HERPUD2: variants seen among roughly 807,000 people sequenced by gnomAD.
The protein encoded by HERPUD2 is homocysteine-responsive endoplasmic reticulum-resident ubiquitin-like domain member 2 protein.
In HERPUD2, 13 loss-of-function variants were observed where a neutral mutation model predicts 49.9. That is an observed-to-expected ratio of 0.26 (90% CI 0.17 to 0.41). HERPUD2 has a LOEUF of 0.41. HERPUD2 is among the 10% of genes least tolerant of loss of function. The pLI, the probability that HERPUD2 is intolerant of heterozygous loss-of-function variation, is 1.00. For missense variants in HERPUD2, 449 were observed against 492.2 expected, an observed-to-expected ratio of 0.91 and a Z score of 0.83; for synonymous variants, 172 against 171.4, an observed-to-expected ratio of 1.00 and a Z score of -0.03.
At chr7:35,639,629 C>T (rs1002813737) in intron 5 of HERPUD2, among the ~76,000 whole-genome samples, 2 of 152,134 alleles carry the variant, frequency 1.3e-5, no homozygotes, top group African/African-American at 4.8e-5. Context: ...CTTCACATTA[C>T]TTGATTTTTA....
At chr7:35,651,522 T>C (rs1317068484) in intron 5 of HERPUD2, among the ~76,000 whole-genome samples, 3 of 152,036 alleles carry the variant, frequency 2.0e-5, no homozygotes, top group Non-Finnish European at 2.9e-5. Flanking sequence ...ATGGTATACA[T>C]ACAGAATCAA....
At chr7:35,674,490 T>C (rs1785718680) in intron 2 of HERPUD2, among the ~76,000 whole-genome samples, 2 of 145,796 alleles carry the variant, frequency 1.4e-5, no homozygotes, top group Non-Finnish European at 3.0e-5. Flanking sequence ...GTAAAATGTA[T>C]AAAATGTATT....
intron 5 of HERPUD2, among the ~76,000 whole-genome samples, chr7:35,645,776 A>ACACATGCACG (rs1785044047): frequency 6.6e-6 from 1 of 152,246 alleles, no homozygotes; most frequent in South Asian, 2.1e-4. Flanking sequence ...ACACACATAT[A>ACACATGCACG]CACATGCACG....
chr7:35,656,138 G>A (rs1785270845), intron 5 of HERPUD2, among the ~76,000 whole-genome samples: 1 of 151,610 alleles, frequency 6.6e-6, no homozygotes, highest in Non-Finnish European at 1.5e-5. Context: ...CTCCAGACTG[G>A]GCAACAAGAG....
chr7:35,680,830 T>G (rs1785871545), intron 2 of HERPUD2, among the ~76,000 whole-genome samples: 1 of 152,228 alleles, frequency 6.6e-6, no homozygotes. Flanking sequence ...TTTTTTTCTC[T>G]TAAATAAAAG....
intron 5 of HERPUD2, among the ~76,000 whole-genome samples, chr7:35,661,668 C>CTCTG (rs569994061): frequency 6.6e-6 from 1 of 152,088 alleles, no homozygotes. Flanking sequence ...TGATTTGGCT[C>CTCTG]TCTGTCTGTC....
At chr7:35,683,004 A>G (rs1785949269) in intron 2 of HERPUD2, among the ~76,000 whole-genome samples, 2 of 152,136 alleles carry the variant, frequency 1.3e-5, no homozygotes, top group African/African-American at 4.8e-5. Flanking sequence ...GCCAAAAGCA[A>G]TCTACAAATT....
chr7:35,651,330 C>T (rs1785162809), intron 5 of HERPUD2, among the ~76,000 whole-genome samples: 1 of 152,000 alleles, frequency 6.6e-6, no homozygotes, highest in African/African-American at 2.4e-5. Context: ...CACACTGGGG[C>T]CTAAGGACAG....
rs770375066 is a variant in HERPUD2 at position 35,673,289 on chromosome 7, G to C, written c.148-11C>G. The stretch of plus-strand genomic sequence containing the variant: ...CTGATCCTTCGTCAACTAAGAAATG[G>C]GACAAAGAAAAGAATTCAACTTTTC... On this transcript the variant is annotated splice_polypyrimidine_tract_variant and intron_variant, in intron 2 of 8. Coordinates refer to ENST00000311350, the MANE Select transcript of HERPUD2 (RefSeq NM_022373.5). 25 of 1,595,354 alleles carry C rather than the reference G, an allele frequency of 1.6e-5. No homozygotes were observed. Among genetic ancestry groups the C allele is most frequent in the Non-Finnish European group, 2.1e-5 (25 of 1,168,688 alleles).
chr7:35,662,494 C>T (rs570113247), intron 5 of HERPUD2, among the ~76,000 whole-genome samples: 4 of 152,280 alleles, frequency 2.6e-5, no homozygotes, highest in South Asian at 2.1e-4. Flanking sequence ...GCTGTGAATC[C>T]GTCTGGTCTT....
chr7:35,663,319 C>T (rs1432915189), intron 5 of HERPUD2, among the ~76,000 whole-genome samples: 5 of 152,126 alleles, frequency 3.3e-5, no homozygotes, highest in Non-Finnish European at 7.4e-5. Context: ...GCTTTACTTC[C>T]AACTATGTGG....
chr7:35,639,939 T>C (rs1784941255), intron 5 of HERPUD2, among the ~76,000 whole-genome samples: 2 of 152,260 alleles, frequency 1.3e-5, no homozygotes, highest in South Asian at 4.1e-4. Flanking sequence ...ATATTTTATA[T>C]ATATTTCCTT....
chr7:35,650,825 T>C (rs1785150063), intron 5 of HERPUD2, among the ~76,000 whole-genome samples: 1 of 152,188 alleles, frequency 6.6e-6, no homozygotes, highest in African/African-American at 2.4e-5. Context: ...TCCCGAGCAC[T>C]GTACTGGAAG....
At chr7:35,650,262 G>A (rs1485836871) in intron 5 of HERPUD2, among the ~76,000 whole-genome samples, 1 of 152,152 alleles carries the variant, frequency 6.6e-6, no homozygotes, top group East Asian at 1.9e-4. Flanking sequence ...AGGGAAGCAA[G>A]GCAGCCTGCT....
At chr7:35,652,887 C>T (rs770160171) in intron 5 of HERPUD2, among the ~76,000 whole-genome samples, 2 of 151,760 alleles carry the variant, frequency 1.3e-5, no homozygotes, top group Non-Finnish European at 2.9e-5. Flanking sequence ...GCCCTATACC[C>T]GGAAGGAAAC....
intron 2 of HERPUD2, among the ~76,000 whole-genome samples, chr7:35,685,960 C>CAAAATAAATAAATAAATAAA (rs70974762): frequency 1.4e-5 from 2 of 147,948 alleles, no homozygotes; most frequent in Non-Finnish European, 3.0e-5. Context: ...GACCCTGTCT[C>CAAAATAAATAAATAAATAAA]TAAATAAATA....
Position 35,635,082 on chromosome 7 carries a change from G to C in HERPUD2, c.941+53C>G, listed in dbSNP as rs915056840. 5.7e-5 allele frequency: 76 copies of C among 1,334,530 alleles called. No individual in the cohort carries two copies. The Admixed American group carries it at 6.8e-4, about 12-fold the overall frequency. 82.7% of individuals were successfully genotyped at this position (1,334,530 alleles called of 1,614,324 possible). A position where few individuals can be genotyped will look rare whatever the true frequency, so the allele number is the denominator to read the frequency against. On this transcript the variant is annotated intron_variant, in intron 7 of 8. Transcript: ENST00000311350. ...AACAGACTACCCTACACCAGATTCTGTGCTGAACAGTTGCAGAAATTAAAC... is the reference window on the plus strand; with the variant it reads ...AACAGACTACCCTACACCAGATTCTCTGCTGAACAGTTGCAGAAATTAAAC...
chr7:35,685,332 T>G (rs1372791713), intron 2 of HERPUD2, among the ~76,000 whole-genome samples: 2 of 150,200 alleles, frequency 1.3e-5, no homozygotes, highest in Admixed American at 1.3e-4. Flanking sequence ...TTTGTTTTTT[T>G]TTTTTTTTGG....
chr7:35,689,379 T>G (rs1339045310), intron 2 of HERPUD2, among the ~76,000 whole-genome samples: 3 of 152,188 alleles, frequency 2.0e-5, no homozygotes, highest in Non-Finnish European at 4.4e-5. Flanking sequence ...AAGACAATAG[T>G]TTTATAAAAC....
Sources: allele counts gnomAD v4.1 joint callset (sites outside exome capture counted in the v4.1 genomes callset), GRCh38; gene constraint gnomAD v4.1.1; transcripts MANE v1.5; gene names NCBI Gene and HGNC (gene_info 2026-07-23, HGNC 2026-07-21).